Variants in ANKRD12 observed in about 807,000 individuals in gnomAD.
The protein encoded by ANKRD12 is ankyrin repeat domain-containing protein 12.
A neutral mutation model predicts 183.4 loss-of-function variants in ANKRD12; 85 were observed. The ratio of observed to expected loss-of-function variants is 0.46; its 90% CI spans 0.39 to 0.56. ANKRD12 has a LOEUF of 0.56. Ranked by LOEUF, ANKRD12 falls within the 20% of genes least tolerant of loss-of-function variation. ANKRD12 has a pLI of 0.00. For missense variants in ANKRD12, 2,405 were observed against 2,357.1 expected (o/e 1.02, Z -0.42); for synonymous variants, 914 against 800.2 (o/e 1.14, Z -2.40).
At chr18:9,211,396 A>G (rs2035796765) in intron 5 of ANKRD12, among the ~76,000 whole-genome samples, 188 bp from the exon 6 acceptor site, 1 of 152,110 alleles carries the variant, frequency 6.6e-6, no homozygotes, top group Non-Finnish European at 1.5e-5. Context: ...ATGATATTTG[A>G]TAACCCTGAA....
chr18:9,230,268 A>T (rs1242648281), intron 8 of ANKRD12, among the ~76,000 whole-genome samples: 1 of 152,114 alleles, frequency 6.6e-6, no homozygotes, highest in Non-Finnish European at 1.5e-5. Flanking sequence ...AGTTTGTTGC[A>T]TATAGTTCAT....
intron 7 of ANKRD12, among the ~76,000 whole-genome samples, chr18:9,217,212 G>T (rs2036158687): frequency 6.6e-6 from 1 of 152,178 alleles, no homozygotes; most frequent in South Asian, 2.1e-4. Flanking sequence ...AAATTGTACA[G>T]TGTTGAATTG....
chr18:9,179,526 G>C (rs2033541689), intron 1 of ANKRD12, among the ~76,000 whole-genome samples: 1 of 152,042 alleles, frequency 6.6e-6, no homozygotes, highest in Non-Finnish European at 1.5e-5. Context: ...ATTTTTTTGA[G>C]GGGGGCAGGG....
intron 1 of ANKRD12, among the ~76,000 whole-genome samples, chr18:9,159,772 A>G (rs754344618): frequency 4.2e-5 from 6 of 144,192 alleles, no homozygotes; most frequent in Non-Finnish European, 4.5e-5. Context: ...TTAATTGTTC[A>G]TTTTCTTTAT....
chr18:9,274,394 T>C (rs1394640176), intron 10 of ANKRD12, among the ~76,000 whole-genome samples: 2 of 152,248 alleles, frequency 1.3e-5, no homozygotes, highest in Non-Finnish European at 2.9e-5. Context: ...TGCTACAACA[T>C]GGATGAACCT....
At chr18:9,212,209 A>G (rs905638068) in intron 6 of ANKRD12, among the ~76,000 whole-genome samples, 1 of 152,044 alleles carries the variant, frequency 6.6e-6, no homozygotes, top group African/African-American at 2.4e-5. Flanking sequence ...TTCTTGCTGT[A>G]AATAATTCAA....
intron 9 of ANKRD12, among the ~76,000 whole-genome samples, chr18:9,262,999 A>T (rs1483821011): frequency 6.6e-6 from 1 of 151,166 alleles, no homozygotes; most frequent in African/African-American, 2.4e-5. Context: ...GGACTTCACC[A>T]TTTAATCAGG....
intron 10 of ANKRD12, among the ~76,000 whole-genome samples, chr18:9,264,953 A>T (rs940686287): frequency 6.6e-6 from 1 of 152,222 alleles, no homozygotes; most frequent in African/African-American, 2.4e-5. Flanking sequence ...TTTCCCACTG[A>T]GCAAACGGCA....
At chr18:9,166,969 A>G (rs924927996) in intron 1 of ANKRD12, among the ~76,000 whole-genome samples, 1 of 152,198 alleles carries the variant, frequency 6.6e-6, no homozygotes, top group African/African-American at 2.4e-5. Flanking sequence ...TTTATTAAAT[A>G]GGGAATCCTT....
rs201048106 is a variant in ANKRD12, at chr18:9,141,001, TC to T, written c.-52+4038del. On this transcript the variant is annotated intron_variant, in intron 1 of 12. Transcript: ENST00000262126. ...ACATACTAAATAATAGATTTCATTA[TC>T]CTGTTTTATTAACCATTGCTCTGCC... 6.2e-3 allele frequency among the ~76,000 whole-genome samples: 950 copies of T among 152,328 alleles called. 10 individuals carry two copies. The highest frequency in any genetic ancestry group is 0.021 in the African/African-American group (891 of 41,564).
chr18:9,170,333 G>A (rs529785671), intron 1 of ANKRD12, among the ~76,000 whole-genome samples: 49 of 152,252 alleles, frequency 3.2e-4, no homozygotes, highest in Non-Finnish European at 1.9e-4. Context: ...CATTCTCCCC[G>A]TCACTTTCAG....
At chr18:9,163,050 A>T (rs2031638082) in intron 1 of ANKRD12, among the ~76,000 whole-genome samples, 1 of 152,008 alleles carries the variant, frequency 6.6e-6, no homozygotes, top group Admixed American at 6.6e-5. Context: ...GTTTAATTAG[A>T]TCCCATTTGT....
Position 9,255,683 on chromosome 18 carries a change from A to G in ANKRD12, c.2416A>G (p.Ile806Val). ...SIGLHLVEKE[I>V]DIEKQEKHIK... is the part of the protein sequence containing the mutation. ...AGGGCTTCATTTAGTGGAAAAGGAA[A>G]TAGACATTGAAAAACAAGAAAAGCA... is the stretch of plus-strand genomic sequence containing the variant. The change falls in exon 9 of 13, where the codon ATA (isoleucine) becomes GTA (valine). Residue 806 changes from isoleucine to valine, a missense_variant. Transcript: ENST00000262126. The G allele has an allele frequency of 1.3e-6, 2 of 1,593,920 alleles. No individual in the cohort carries two copies. The highest frequency in any genetic ancestry group is 2.3e-5 in the East Asian group (1 of 44,418).
intron 1 of ANKRD12, among the ~76,000 whole-genome samples, chr18:9,162,105 C>T (rs2031501069): frequency 6.6e-6 from 1 of 152,042 alleles, no homozygotes; most frequent in South Asian, 2.1e-4. Context: ...TAAACATATG[C>T]CGTGGTGGTT....
chr18:9,199,849 G>A (rs1371422774), intron 3 of ANKRD12, among the ~76,000 whole-genome samples: 1 of 152,022 alleles, frequency 6.6e-6, no homozygotes, highest in Non-Finnish European at 1.5e-5. Context: ...GTTGTTTTAT[G>A]TGTTTAGAGG....
chr18:9,142,741 G>C (rs1347385850), intron 1 of ANKRD12, among the ~76,000 whole-genome samples: 1 of 151,982 alleles, frequency 6.6e-6, no homozygotes, highest in Non-Finnish European at 1.5e-5. Flanking sequence ...AAAATTAGCT[G>C]GGCGTGGTGG....
chr18:9,239,217 C>A (rs902972173), intron 8 of ANKRD12, among the ~76,000 whole-genome samples: 1 of 152,212 alleles, frequency 6.6e-6, no homozygotes, highest in Non-Finnish European at 1.5e-5. Flanking sequence ...TGGCTGCCCT[C>A]TGGATATTAA....
At chr18:9,177,004 C>G (rs2033323745) in intron 1 of ANKRD12, among the ~76,000 whole-genome samples, 1 of 152,106 alleles carries the variant, frequency 6.6e-6, no homozygotes, top group African/African-American at 2.4e-5. Flanking sequence ...GGAGCAAGAA[C>G]ATACTAATTT....
At chr18:9,261,891 T>C (rs1268638230) in intron 9 of ANKRD12, among the ~76,000 whole-genome samples, 3 of 152,222 alleles carry the variant, frequency 2.0e-5, no homozygotes, top group Non-Finnish European at 4.4e-5. Flanking sequence ...ATCCGTCCTC[T>C]ACATTCCTTG....
Sources: allele counts gnomAD v4.1 joint callset (sites outside exome capture counted in the v4.1 genomes callset), GRCh38; gene constraint gnomAD v4.1.1; transcripts MANE v1.5; gene names NCBI Gene and HGNC (gene_info 2026-07-23, HGNC 2026-07-21).